HERC4: variants seen among roughly 807,000 people sequenced by gnomAD.
The protein encoded by HERC4 is probable E3 ubiquitin-protein ligase HERC4.
Under a neutral mutation model 124.3 loss-of-function variants are expected in HERC4, and 28 were observed. That is an observed-to-expected ratio of 0.23 (90% CI 0.17 to 0.31). HERC4 has a LOEUF of 0.31. HERC4 is among the 10% of genes least tolerant of loss of function. HERC4 has a pLI of 1.00. For synonymous variants in HERC4, 407 were observed against 421.5 expected (o/e 0.97, Z 0.42); for missense variants, 713 against 1,229.3 (o/e 0.58, Z 6.28).
intron 2 of HERC4, 31 bp from the exon 3 acceptor site, chr10:68,073,217 T>C (rs2041652037): frequency 1.3e-6 from 1 of 766,786 alleles, no homozygotes; most frequent in Admixed American, 2.8e-5. Context: ...TAATATGACT[T>C]CAAAGAAAAA....
chr10:68,069,771 G>A (rs1020630407), intron 3 of HERC4: 21 of 984,936 alleles, frequency 2.1e-5, no homozygotes, highest in South Asian at 9.4e-5. Flanking sequence ...AGCTGGGCAC[G>A]GTGGCTCACG....
Position 68,025,540 on chromosome 10 carries a change from C to G in HERC4, c.908+6G>C. ...GACCAAAATGCTCTTTTACATAACA[C>G]CTTACCGTCCACAAGCAATCTCAGT... On this transcript the variant is annotated splice_donor_region_variant and intron_variant, in intron 8 of 24. Transcript: ENST00000373700. 2 of 1,611,890 alleles carry G rather than the reference C, an allele frequency of 1.2e-6. No individual in the cohort carries two copies. Among genetic ancestry groups the G allele is most frequent in the South Asian group, 2.2e-5 (2 of 90,710 alleles).
chr10:68,032,825 T>C lies in HERC4; in HGVS notation c.730A>G (p.Ile244Val). 2.5e-6 allele frequency: 4 copies of C among 1,585,748 alleles called. No homozygotes were observed. The highest frequency in any genetic ancestry group is 2.7e-5 in the African/African-American group (2 of 74,426). The change falls in exon 7 of 25, where the codon ATA becomes GTA. Residue 244 changes from isoleucine (I) to valine (V), a missense_variant. By Grantham distance (29) the Ile-to-Val change is conservative. Transcript: ENST00000373700. ...NLLKSLRSQKIVYICCGEDHT... is the reference protein window; with the variant it reads ...NLLKSLRSQKVVYICCGEDHT... ...TCTTCTCCACAACAAATATAAACTATTTTCTGAGATCTTAGTGACTTTAGT... is the reference window on the plus strand; with the variant it reads ...TCTTCTCCACAACAAATATAAACTACTTTCTGAGATCTTAGTGACTTTAGT...
rs528438248 is a variant in HERC4, at chr10:68,075,137, A to C, written c.-109+7T>G. On this transcript the variant is annotated splice_region_variant and intron_variant, in intron 1 of 24. Coordinates refer to ENST00000373700, the MANE Select transcript of HERC4 (RefSeq NM_015601.4). Reference sequence around the variant, plus strand: ...TGCTCCCCTCCCCGGCCCCTGGGAAACTTTACCGGGTTCCTTAGAGAAAAG... The same window carrying C: ...TGCTCCCCTCCCCGGCCCCTGGGAACCTTTACCGGGTTCCTTAGAGAAAAG... 1 of 153,080 alleles carries C rather than the reference A, an allele frequency of 6.5e-6. No individual in the cohort carries two copies. The highest frequency in any genetic ancestry group is 2.4e-5 in the African/African-American group (1 of 41,570). The allele number at this position is 153,080 out of a possible 1,614,324, so 9.5% of individuals were successfully genotyped here.
chr10:67,968,739 A>T (rs1388896787), intron 15 of HERC4, among the ~76,000 whole-genome samples: 4 of 152,184 alleles, frequency 2.6e-5, no homozygotes, highest in Admixed American at 2.6e-4. Flanking sequence ...GGCATATTTC[A>T]TAATAATAAA....
At chr10:67,963,389 G>T (rs2034646727) in intron 16 of HERC4, among the ~76,000 whole-genome samples, 5 of 152,192 alleles carry the variant, frequency 3.3e-5, no homozygotes, top group African/African-American at 1.2e-4. Flanking sequence ...GCTAATTTTT[G>T]TATTTTTAGT....
At chr10:67,970,215 G>C (rs1458444856) in intron 15 of HERC4, among the ~76,000 whole-genome samples, 1 of 152,142 alleles carries the variant, frequency 6.6e-6, no homozygotes, top group Non-Finnish European at 1.5e-5. Context: ...TAGTAGAGGT[G>C]TACCAATTTA....
At chr10:67,926,907 C>T (rs1454070406) in intron 23 of HERC4, among the ~76,000 whole-genome samples, 3 of 152,202 alleles carry the variant, frequency 2.0e-5, no homozygotes, top group African/African-American at 7.2e-5. Flanking sequence ...AGGGCAAAGA[C>T]CATGTCTCTA....
At chr10:68,018,845 T>A (rs574540948) in intron 8 of HERC4, among the ~76,000 whole-genome samples, 12 of 151,294 alleles carry the variant, frequency 7.9e-5, no homozygotes, top group Non-Finnish European at 1.5e-4. Context: ...AGATAACAAC[T>A]TTTCCCCAAA....
intron 16 of HERC4, among the ~76,000 whole-genome samples, chr10:67,960,174 T>C (rs1010104671): frequency 6.6e-6 from 1 of 152,222 alleles, no homozygotes; most frequent in Non-Finnish European, 1.5e-5. Context: ...GTAAAAACTC[T>C]GGGCACCAGG....
Position 68,022,355 on chromosome 10 carries a change from C to T in HERC4, c.908+3191G>A, listed in dbSNP as rs1475978025. On this transcript the variant is annotated intron_variant, in intron 8 of 24. Transcript: ENST00000373700. Reference sequence around the variant, plus strand: ...TCTCTACTAAAAACACAAAATTAGTCGGGCAAGGTGGCGCATGCCTGTAAT... The same window carrying T: ...TCTCTACTAAAAACACAAAATTAGTTGGGCAAGGTGGCGCATGCCTGTAAT... Among the ~76,000 whole-genome samples the T allele has an allele frequency of 6.6e-5, 10 of 152,088 alleles. No homozygotes were observed. The South Asian group carries it at 1.7e-3, about 25-fold the overall frequency.
intron 3 of HERC4, among the ~76,000 whole-genome samples, chr10:68,072,423 C>T (rs1440666987): frequency 6.6e-6 from 1 of 152,054 alleles, no homozygotes; most frequent in Admixed American, 6.6e-5. Flanking sequence ...ATTTAAAATA[C>T]TATGACAGAG....
At chr10:68,017,282 AAGTC>A (rs750073838) in intron 8 of HERC4, among the ~76,000 whole-genome samples, 24 of 152,196 alleles carry the variant, frequency 1.6e-4, no homozygotes, top group Non-Finnish European at 2.8e-4. Context: ...AGCCTGAGCA[AAGTC>A]ACCCCAGTGA....
chr10:67,934,302 G>A (rs1321614089), intron 22 of HERC4, among the ~76,000 whole-genome samples: 1 of 152,002 alleles, frequency 6.6e-6, no homozygotes, highest in East Asian at 1.9e-4. Context: ...AAGAACTTCT[G>A]TTTTCTTTAG....
chr10:67,994,697 G>A (rs1177609686), intron 9 of HERC4: 1 of 152,154 alleles, frequency 6.6e-6, no homozygotes, highest in Non-Finnish European at 1.5e-5. Context: ...CTCCCAAAGT[G>A]TCAGAATTAC....
At chr10:68,061,362 T>A (rs1223861557) in intron 3 of HERC4, among the ~76,000 whole-genome samples, 1 of 151,442 alleles carries the variant, frequency 6.6e-6, no homozygotes, top group Admixed American at 6.6e-5. Flanking sequence ...TGAAACCCCA[T>A]CTCTACTGAA....
intron 3 of HERC4, among the ~76,000 whole-genome samples, chr10:68,052,133 C>G (rs563238009): frequency 9.8e-4 from 149 of 152,026 alleles, no homozygotes; most frequent in Admixed American, 2.4e-3. Flanking sequence ...GAAAAAATTG[C>G]CTTCTGAATT....
intron 15 of HERC4, among the ~76,000 whole-genome samples, chr10:67,967,667 A>C (rs778622603): frequency 6.6e-6 from 1 of 152,220 alleles, no homozygotes; most frequent in South Asian, 2.1e-4. Flanking sequence ...ATACTGGAAC[A>C]ATGAAATATT....
intron 3 of HERC4, among the ~76,000 whole-genome samples, chr10:68,046,307 G>A (rs1173530125): frequency 6.6e-6 from 1 of 152,180 alleles, no homozygotes; most frequent in Admixed American, 6.5e-5. Flanking sequence ...ATGATAGGAT[G>A]ACAAGACAGG....
Sources: gnomAD v4.1 joint callset for allele counts (sites outside exome capture counted in the v4.1 genomes callset) on GRCh38, gnomAD v4.1.1 for gene constraint, MANE v1.5 for transcripts, NCBI Gene and HGNC (gene_info 2026-07-23, HGNC 2026-07-21) for gene names.